Variants in EYS observed in about 807,000 individuals in gnomAD.
The protein encoded by EYS is protein eyes shut homolog.
A neutral mutation model predicts 282.1 loss-of-function variants in EYS; 250 were observed. That is an observed-to-expected ratio of 0.89 (90% CI 0.80 to 0.98). EYS has a LOEUF of 0.98. EYS is among the 50% of genes least tolerant of loss of function. The probability of loss-of-function intolerance (pLI) is 0.00; values close to 1 mark genes in which losing one functional copy is unlikely to be tolerated. For synonymous variants in EYS, 1,355 were observed against 1,282.9 expected (o/e 1.06, Z -1.20); for missense variants, 4,016 against 3,709.0 (o/e 1.08, Z -2.15).
chr6:65,335,295 G>C (rs942250306), intron 10 of EYS, 149 bp from the exon 11 acceptor site: 25 of 676,958 alleles, frequency 3.7e-5, no homozygotes, highest in Non-Finnish European at 6.2e-5. Context: ...ATTGGACAAG[G>C]GTTCAAAGCT....
At chr6:64,676,309 A>ATATAT (rs1769670322) in intron 22 of EYS, among the ~76,000 whole-genome samples, 1 of 131,928 alleles carries the variant, frequency 7.6e-6, no homozygotes, top group Non-Finnish European at 1.7e-5. Flanking sequence ...ATCTATATCC[A>ATATAT]ATATATCTAT....
At chr6:64,016,216 GTATAATGGAAT>G (rs1383167784) in intron 33 of EYS, among the ~76,000 whole-genome samples, 7 of 152,050 alleles carry the variant, frequency 4.6e-5, no homozygotes, top group African/African-American at 1.7e-4. Flanking sequence ...ATCAAATACT[GTATAATGGAAT>G]TATTTACTTT....
intron 29 of EYS, among the ~76,000 whole-genome samples, chr6:64,331,593 GC>G (rs1770649170): frequency 1.4e-5 from 2 of 138,564 alleles, no homozygotes; most frequent in African/African-American, 5.4e-5. Flanking sequence ...CCTTCCAATA[GC>G]CCCCCCGCCC....
At chr6:63,768,145 CA>C (rs1157483394) in intron 40 of EYS, among the ~76,000 whole-genome samples, 1 of 151,776 alleles carries the variant, frequency 6.6e-6, no homozygotes, top group Non-Finnish European at 1.5e-5. Context: ...TAGGAAATAC[CA>C]TTCTGGACAT....
intron 12 of EYS, among the ~76,000 whole-genome samples, chr6:65,162,274 C>T (rs1764868323): frequency 6.6e-6 from 1 of 151,080 alleles, no homozygotes; most frequent in Admixed American, 6.6e-5. Context: ...CATGGGTCAG[C>T]TTTTGAAAGC....
chr6:64,658,405 TC>T (rs1193302549), intron 22 of EYS, among the ~76,000 whole-genome samples: 3 of 152,208 alleles, frequency 2.0e-5, no homozygotes, highest in African/African-American at 7.2e-5. Flanking sequence ...GGAGCTGCAT[TC>T]CTTTGGAGGA....
intron 33 of EYS, among the ~76,000 whole-genome samples, chr6:64,032,011 G>C (rs534977339): frequency 2.8e-4 from 43 of 152,166 alleles, no homozygotes; most frequent in African/African-American, 1.0e-3. Flanking sequence ...GGTCCACACT[G>C]CCTTTATGAG....
At chr6:64,783,172 T>C (rs1336354192) in intron 22 of EYS, among the ~76,000 whole-genome samples, 5 of 152,158 alleles carry the variant, frequency 3.3e-5, no homozygotes. Context: ...GCTTGTGTCC[T>C]AGTAACCCTT....
chr6:65,620,656 T>A (rs1225460447), intron 2 of EYS, among the ~76,000 whole-genome samples: 3 of 150,674 alleles, frequency 2.0e-5, no homozygotes, highest in African/African-American at 7.4e-5. Flanking sequence ...GGGTGTCAAT[T>A]TTGGATCTTT....
intron 14 of EYS, among the ~76,000 whole-genome samples, chr6:64,971,937 C>T (rs1203688362): frequency 1.6e-4 from 25 of 151,886 alleles, no homozygotes. Context: ...AAATGTTATA[C>T]AAAACTTCCC....
rs1769462881 is a variant in EYS, at chr6:64,950,792, C to CATGTATATGTATATATACACATAT, written c.2260-4879_2260-4878insATATGTGTATATATACATATACAT. Among the ~76,000 whole-genome samples the CATGTATATGTATATATACACATAT allele has an allele frequency of 3.3e-5, 2 of 60,914 alleles. 1 individual carries two copies. The highest frequency in any genetic ancestry group is 1.4e-4 in the African/African-American group (2 of 13,990). The allele number at this position is 60,914 out of a possible 152,430, so 40.0% of individuals were successfully genotyped here. A position where few individuals can be genotyped will look rare whatever the true frequency, so the allele number is the denominator to read the frequency against. On this transcript the variant is annotated intron_variant, in intron 14 of 42. Transcript: ENST00000503581. ...TGAATAAAAAATATATACACATATA[C>CATGTATATGTATATATACACATAT]ATATACATATATATATATATATATA...
intron 12 of EYS, among the ~76,000 whole-genome samples, chr6:65,139,571 G>A (rs7768268): frequency 6.6e-6 from 1 of 151,962 alleles, no homozygotes; most frequent in Non-Finnish European, 1.5e-5. Flanking sequence ...TGCCCACGTA[G>A]CCCTGAACCT....
intron 11 of EYS, among the ~76,000 whole-genome samples, chr6:65,323,678 G>GA (rs1201294966): frequency 8.3e-6 from 1 of 119,918 alleles, no homozygotes; most frequent in Non-Finnish European, 1.8e-5. Flanking sequence ...TTCTGCCTTT[G>GA]AAAAATCGCC....
chr6:64,744,001 A>G (rs1464168134), intron 22 of EYS, among the ~76,000 whole-genome samples: 1 of 152,136 alleles, frequency 6.6e-6, no homozygotes, highest in African/African-American at 2.4e-5. Context: ...GACTCTTTGT[A>G]AAATTTGGTA....
chr6:64,666,058 G>A (rs1769218852), intron 22 of EYS, among the ~76,000 whole-genome samples: 1 of 152,134 alleles, frequency 6.6e-6, no homozygotes, highest in Non-Finnish European at 1.5e-5. Flanking sequence ...ACACAAAGAA[G>A]GGAACAACAG....
chr6:65,615,368 C>T (rs1766148219), intron 2 of EYS, among the ~76,000 whole-genome samples: 3 of 146,126 alleles, frequency 2.1e-5, no homozygotes, highest in African/African-American at 5.1e-5. Context: ...TATTCAAAAC[C>T]GAGTTCATTT....
At chr6:64,136,319 C>T (rs1170983994) in intron 31 of EYS, among the ~76,000 whole-genome samples, 1 of 152,062 alleles carries the variant, frequency 6.6e-6, no homozygotes, top group Non-Finnish European at 1.5e-5. Context: ...GTATTAAATT[C>T]CTCAAACTCA....
chr6:64,981,435 T>G (rs1770662132), intron 14 of EYS, among the ~76,000 whole-genome samples: 1 of 151,366 alleles, frequency 6.6e-6, no homozygotes, highest in Admixed American at 6.6e-5. Context: ...TTGTTCATGT[T>G]TTTTTCACTG....
At chr6:64,016,377 G>A (rs1768890551) in intron 33 of EYS, among the ~76,000 whole-genome samples, 1 of 152,102 alleles carries the variant, frequency 6.6e-6, no homozygotes. Context: ...GCACCTAGGG[G>A]TTAAGTAATT....
Sources: gnomAD v4.1 joint callset for allele counts (sites outside exome capture counted in the v4.1 genomes callset) on GRCh38, gnomAD v4.1.1 for gene constraint, MANE v1.5 for transcripts, NCBI Gene and HGNC (gene_info 2026-07-23, HGNC 2026-07-21) for gene names.